HTR1F: variants seen among roughly 807,000 people sequenced by gnomAD.
HTR1F encodes the protein 5-hydroxytryptamine receptor 1F.
In HTR1F, 17 loss-of-function variants were observed where a neutral mutation model predicts 24.0. The ratio of observed to expected loss-of-function variants is 0.71; its 90% CI spans 0.48 to 1.06. The LOEUF is 1.06. HTR1F is among the 50% of genes least tolerant of loss of function. The probability of loss-of-function intolerance (pLI) is 0.00; values close to 1 mark genes in which losing one functional copy is unlikely to be tolerated. For synonymous variants in HTR1F, 186 were observed against 156.8 expected (o/e 1.19, Z -1.39); for missense variants, 391 against 427.8 (o/e 0.91, Z 0.76).
intron 2 of HTR1F, among the ~76,000 whole-genome samples, chr3:87,990,140 A>AC (rs1705787030): frequency 1.3e-5 from 2 of 151,996 alleles, no homozygotes; most frequent in South Asian, 4.2e-4. Flanking sequence ...GTTTCTTCAG[A>AC]CCCCCAATAA....
intron 2 of HTR1F, among the ~76,000 whole-genome samples, chr3:87,885,107 C>T (rs933142455): frequency 2.7e-4 from 41 of 152,266 alleles, no homozygotes; most frequent in African/African-American, 9.6e-4. Flanking sequence ...CACTCCTCAG[C>T]AAATGTAAAA....
intron 2 of HTR1F, among the ~76,000 whole-genome samples, chr3:87,827,900 CCTTCTCT>C (rs1704497490): frequency 6.6e-6 from 1 of 152,078 alleles, no homozygotes; most frequent in African/African-American, 2.4e-5. Context: ...GGAACTGTAC[CCTTCTCT>C]CCTGGGGTAA....
Position 87,987,705 on chromosome 3 carries a change from ATTATATATATGTATT to A in HTR1F, c.-42-2994_-42-2980del, listed in dbSNP as rs1459910880. ...TATTTTATATATATAAAATATATGT[ATTATATATATGTATT>A]TTATATATGTATTTTATATATATAA... On this transcript the variant is annotated intron_variant, in intron 2 of 2. Coordinates refer to ENST00000319595, the MANE Select transcript of HTR1F (RefSeq NM_001322209.2). Among the ~76,000 whole-genome samples the A allele has an allele frequency of 1.4e-3, 164 of 115,528 alleles. 4 individuals carry two copies. Among genetic ancestry groups the A allele is most frequent in the African/African-American group, 5.2e-3 (157 of 30,030 alleles). 75.8% of individuals were successfully genotyped at this position (115,528 alleles called of 152,430 possible). A position where few individuals can be genotyped will look rare whatever the true frequency, so the allele number is the denominator to read the frequency against.
chr3:87,807,664 G>A (rs967470882), intron 1 of HTR1F, among the ~76,000 whole-genome samples: 1 of 151,976 alleles, frequency 6.6e-6, no homozygotes, highest in East Asian at 1.9e-4. Flanking sequence ...ATACTAAATA[G>A]GAGTGGGGAA....
At position 87,944,984 on chromosome 3, in the gene HTR1F, T is replaced by C. The variant is rs1224612143; in HGVS notation, c.-42-45724T>C. 1.5e-4 allele frequency among the ~76,000 whole-genome samples: 23 copies of C among 152,172 alleles called. 1 individual carries two copies. The highest frequency in any genetic ancestry group is 1.4e-3 in the Admixed American group (22 of 15,272). The stretch of plus-strand genomic sequence containing the variant: ...CAATTATCAATTATAGGTTTTAAGT[T>C]TACCCTGGCTTTTAAAGGAATAGGG... On this transcript the variant is annotated intron_variant, in intron 2 of 2. Transcript: ENST00000319595.
intron 2 of HTR1F, among the ~76,000 whole-genome samples, chr3:87,935,236 C>A (rs1416307856): frequency 6.6e-6 from 1 of 152,060 alleles, no homozygotes; most frequent in African/African-American, 2.4e-5. Flanking sequence ...ACTAACAAGG[C>A]CCCAAAAATG....
At chr3:87,857,921 AAC>A (rs1227118539) in intron 2 of HTR1F, among the ~76,000 whole-genome samples, 1 of 152,192 alleles carries the variant, frequency 6.6e-6, no homozygotes, top group Non-Finnish European at 1.5e-5. Context: ...TGATAATAAT[AAC>A]ACTATTATTT....
intron 2 of HTR1F, among the ~76,000 whole-genome samples, chr3:87,930,164 T>G (rs1704226755): frequency 6.6e-6 from 1 of 152,192 alleles, no homozygotes; most frequent in East Asian, 1.9e-4. Flanking sequence ...AAGTTGTTGA[T>G]CAGCTTAAGA....
intron 2 of HTR1F, among the ~76,000 whole-genome samples, chr3:87,831,970 C>G (rs1177797372): frequency 6.6e-6 from 1 of 152,142 alleles, no homozygotes; most frequent in African/African-American, 2.4e-5. Flanking sequence ...ACTATTATTA[C>G]TATTAACAGT....
At chr3:87,964,946 G>C (rs1190361283) in intron 2 of HTR1F, among the ~76,000 whole-genome samples, 4 of 152,000 alleles carry the variant, frequency 2.6e-5, no homozygotes, top group Non-Finnish European at 4.4e-5. Flanking sequence ...GAGATCTGAT[G>C]GTTTCATAAA....
intron 2 of HTR1F, among the ~76,000 whole-genome samples, chr3:87,934,778 A>C (rs1422537282): frequency 6.6e-6 from 1 of 152,194 alleles, no homozygotes. Flanking sequence ...CCCAAGAGGG[A>C]AGCTAAGCAA....
At chr3:87,794,269 C>T (rs568600676) in intron 1 of HTR1F, among the ~76,000 whole-genome samples, 28 of 152,254 alleles carry the variant, frequency 1.8e-4, no homozygotes, top group African/African-American at 6.3e-4. Flanking sequence ...TTTCCCCTCC[C>T]CAAACTCATA....
At chr3:87,916,471 C>A (rs1362629657) in intron 2 of HTR1F, among the ~76,000 whole-genome samples, 2 of 152,066 alleles carry the variant, frequency 1.3e-5, no homozygotes, top group Non-Finnish European at 2.9e-5. Context: ...CAACTGTCTG[C>A]TACCTTCGGG....
intron 2 of HTR1F, among the ~76,000 whole-genome samples, chr3:87,842,520 C>T (rs116247135): frequency 2.6e-5 from 4 of 151,616 alleles, no homozygotes; most frequent in Admixed American, 1.3e-4. Context: ...AAACATCTCA[C>T]GAGCTATATT....
intron 1 of HTR1F, among the ~76,000 whole-genome samples, chr3:87,800,763 G>A (rs565351961): frequency 6.6e-6 from 1 of 152,256 alleles, no homozygotes; most frequent in Admixed American, 6.5e-5. Flanking sequence ...CCTTGAGTAG[G>A]AGTGATTTTC....
intron 2 of HTR1F, among the ~76,000 whole-genome samples, chr3:87,845,780 A>G (rs1449757921): frequency 1.3e-5 from 2 of 151,966 alleles, no homozygotes; most frequent in African/African-American, 4.9e-5. Flanking sequence ...ACAAAACAAC[A>G]ACAAAAACTC....
At chr3:87,872,028 C>T (rs1705569282) in intron 2 of HTR1F, among the ~76,000 whole-genome samples, 1 of 152,028 alleles carries the variant, frequency 6.6e-6, no homozygotes, top group Non-Finnish European at 1.5e-5. Context: ...TCTTAACACA[C>T]TTGAAAAGAT....
chr3:87,945,332 A>T (rs908778581), intron 2 of HTR1F, among the ~76,000 whole-genome samples: 3 of 152,146 alleles, frequency 2.0e-5, no homozygotes, highest in African/African-American at 7.2e-5. Flanking sequence ...TCCTTTGGAG[A>T]TACAACTTGC....
Position 87,991,632 on chromosome 3 carries a change from C to G in HTR1F, c.883C>G (p.Leu295Val), listed in dbSNP as rs758325682. The change falls in exon 3 of 3, where the codon CTG (leucine) becomes GTG (valine). Residue 295 changes from leucine to valine, a missense_variant. Transcript: ENST00000319595. Reference sequence around the variant, plus strand: ...AAGAGAACGGAAAGCAGCCACTACCCTGGGATTAATCTTGGGTGCATTTGT... The same window carrying G: ...AAGAGAACGGAAAGCAGCCACTACCGTGGGATTAATCTTGGGTGCATTTGT... ...GTRERKAATTLGLILGAFVIC... is the reference protein window; with the variant it reads ...GTRERKAATTVGLILGAFVIC... 1.2e-6 allele frequency: 2 copies of G among 1,613,634 alleles called. No homozygotes were observed. The highest frequency in any genetic ancestry group is 2.7e-5 in the African/African-American group (2 of 74,896).
Sources: allele counts gnomAD v4.1 joint callset (sites outside exome capture counted in the v4.1 genomes callset), GRCh38; gene constraint gnomAD v4.1.1; transcripts MANE v1.5; gene names NCBI Gene and HGNC (gene_info 2026-07-23, HGNC 2026-07-21).